FSTL5: variants seen among roughly 807,000 people sequenced by gnomAD.
FSTL5 encodes the protein follistatin-related protein 5.
Under a neutral mutation model 89.1 loss-of-function variants are expected in FSTL5, and 62 were observed. That is an observed-to-expected ratio of 0.70 (90% CI 0.57 to 0.86). FSTL5 has a LOEUF of 0.86. Among genes scored for constraint, FSTL5 ranks in the 40% least tolerant of loss-of-function variants. The pLI is 0.00. For missense variants in FSTL5, 1,057 were observed against 1,001.6 expected (o/e 1.06, Z -0.75); for synonymous variants, 383 against 346.2 (o/e 1.11, Z -1.18).
At chr4:161,958,053 G>C (rs1404858825) in intron 3 of FSTL5, among the ~76,000 whole-genome samples, 2 of 151,726 alleles carry the variant, frequency 1.3e-5, no homozygotes, top group Non-Finnish European at 2.9e-5. Flanking sequence ...CTTTATTTTA[G>C]ATAGTTTCTA....
rs73862377 is a variant in FSTL5, at chr4:161,707,605, C to T, written c.728-51111G>A. Among the ~76,000 whole-genome samples, 575 of 151,894 alleles carry T rather than the reference C, an allele frequency of 3.8e-3. 7 individuals are homozygous for T. The highest frequency in any genetic ancestry group is 0.013 in the African/African-American group (542 of 41,494). Reference sequence around the variant, plus strand: ...ACATGTCTATTCTAACATTTTTCTTCCAATTTTTTCACGAAATCTTGCTAT... The same window carrying T: ...ACATGTCTATTCTAACATTTTTCTTTCAATTTTTTCACGAAATCTTGCTAT... On this transcript the variant is annotated intron_variant, in intron 6 of 15. Transcript: ENST00000306100.
chr4:161,929,782 A>G (rs955067540), intron 3 of FSTL5, among the ~76,000 whole-genome samples: 1 of 151,362 alleles, frequency 6.6e-6, no homozygotes, highest in Non-Finnish European at 1.5e-5. Context: ...CAAAAGTGTC[A>G]CCATTCTGAT....
At chr4:161,819,249 T>G (rs1730420902) in intron 4 of FSTL5, among the ~76,000 whole-genome samples, 1 of 152,150 alleles carries the variant, frequency 6.6e-6, no homozygotes, top group African/African-American at 2.4e-5. Context: ...GAACTTAAAG[T>G]CTTTAATTTT....
intron 7 of FSTL5, among the ~76,000 whole-genome samples, chr4:161,639,079 A>T (rs954632817): frequency 7.9e-5 from 12 of 152,150 alleles, no homozygotes; most frequent in African/African-American, 2.9e-4. Flanking sequence ...TTCCCTTTGA[A>T]AACTGGCACA....
chr4:161,589,672 T>G (rs1174847088), intron 7 of FSTL5, among the ~76,000 whole-genome samples: 2 of 152,026 alleles, frequency 1.3e-5, no homozygotes, highest in Non-Finnish European at 2.9e-5. Context: ...CATTACAACT[T>G]TCTGCAACAG....
rs1008815404 is a variant in FSTL5, at chr4:161,724,085, T to C, written c.727+35326A>G. On this transcript the variant is annotated intron_variant, in intron 6 of 15. Coordinates refer to ENST00000306100, the MANE Select transcript of FSTL5 (RefSeq NM_020116.5). ...GATCACAGAAAAAGCTAAATCGTAT[T>C]AGTAGATTAAAAACTGTATGCAAGG... 7.9e-5 allele frequency among the ~76,000 whole-genome samples: 12 copies of C among 152,080 alleles called. 1 individual carries two copies. The highest frequency in any genetic ancestry group is 7.9e-4 in the Admixed American group (12 of 15,264).
chr4:161,783,732 T>TTTCTTTCTTTC lies in FSTL5; in HGVS notation c.410-7659_410-7658insGAAAGAAAGAA, dbSNP rs768997156. ...CTTTCTTTCTTTCTTTCTTCTTTTC[T>TTTCTTTCTTTC]TTTCTTTCTTTCTTTCTTTCTTTCT... On this transcript the variant is annotated intron_variant, in intron 4 of 15. Transcript: ENST00000306100. Among the ~76,000 whole-genome samples, 76 of 14,534 alleles carry TTTCTTTCTTTC rather than the reference T, an allele frequency of 5.2e-3. 26 individuals are homozygous for TTTCTTTCTTTC. Among genetic ancestry groups the TTTCTTTCTTTC allele is most frequent in the Admixed American group, 7.7e-3 (6 of 782 alleles). 9.5% of individuals were successfully genotyped at this position (14,534 alleles called of 152,430 possible). A position where few individuals can be genotyped will look rare whatever the true frequency, so the allele number is the denominator to read the frequency against.
intron 2 of FSTL5, among the ~76,000 whole-genome samples, chr4:162,083,622 T>G (rs925968946): frequency 6.6e-6 from 1 of 151,802 alleles, no homozygotes; most frequent in African/African-American, 2.4e-5. Flanking sequence ...AATTTTTCAA[T>G]AGGAAAATCC....
At chr4:161,653,042 T>G (rs1250581137) in intron 7 of FSTL5, among the ~76,000 whole-genome samples, 1 of 152,174 alleles carries the variant, frequency 6.6e-6, no homozygotes, top group African/African-American at 2.4e-5. Flanking sequence ...CAAATGGAAT[T>G]ATAGACATTT....
chr4:161,641,508 T>C (rs1735956901), intron 7 of FSTL5, among the ~76,000 whole-genome samples: 1 of 147,158 alleles, frequency 6.8e-6, no homozygotes. Flanking sequence ...TGTTTTGTTT[T>C]GTTTTTTTTT....
intron 6 of FSTL5, among the ~76,000 whole-genome samples, chr4:161,752,078 T>G (rs1449466693): frequency 6.6e-6 from 1 of 152,158 alleles, no homozygotes; most frequent in Non-Finnish European, 1.5e-5. Flanking sequence ...TGAATTCAGT[T>G]GCTCTGGTAA....
chr4:162,005,188 T>C (rs1736582290), intron 3 of FSTL5, among the ~76,000 whole-genome samples: 1 of 152,128 alleles, frequency 6.6e-6, no homozygotes, highest in Non-Finnish European at 1.5e-5. Context: ...AAAAAATTAT[T>C]CCCAACTTCC....
chr4:161,913,869 A>G (rs1051625624), intron 4 of FSTL5, among the ~76,000 whole-genome samples: 1 of 152,138 alleles, frequency 6.6e-6, no homozygotes, highest in Non-Finnish European at 1.5e-5. Context: ...TCTAGGAAGT[A>G]ATTAGCTTGC....
At chr4:161,783,975 G>A (rs1041604842) in intron 4 of FSTL5, among the ~76,000 whole-genome samples, 18 of 149,634 alleles carry the variant, frequency 1.2e-4, no homozygotes, top group East Asian at 4.0e-4. Context: ...TCACTCTGTC[G>A]CCCAGGTTAC....
chr4:162,154,476 T>C (rs1377200191), intron 1 of FSTL5, among the ~76,000 whole-genome samples: 1 of 152,164 alleles, frequency 6.6e-6, no homozygotes, highest in African/African-American at 2.4e-5. Context: ...CATGTTCACT[T>C]TCTACATAAT....
chr4:161,705,950 GTGTATATA>G (rs1438609241), intron 6 of FSTL5, among the ~76,000 whole-genome samples: 571 of 18,606 alleles, frequency 0.031, 54 homozygotes, highest in African/African-American at 0.066. Flanking sequence ...GTGTAGATGT[GTGTATATA>G]TATATATATA....
chr4:161,781,906 T>G, intron 4 of FSTL5, among the ~76,000 whole-genome samples: 1 of 152,168 alleles, frequency 6.6e-6, no homozygotes, highest in Non-Finnish European at 1.5e-5. Context: ...ATTCATCACT[T>G]TCTCCTGTAA....
chr4:161,893,368 G>A (rs911263315), intron 4 of FSTL5, among the ~76,000 whole-genome samples: 1 of 152,092 alleles, frequency 6.6e-6, no homozygotes, highest in African/African-American at 2.4e-5. Flanking sequence ...TTTAACACTA[G>A]AAAGATTGTT....
At chr4:161,754,045 T>TTAA (rs372126953) in intron 6 of FSTL5, among the ~76,000 whole-genome samples, 2 of 85,062 alleles carry the variant, frequency 2.4e-5, no homozygotes, top group Non-Finnish European at 4.1e-5. Flanking sequence ...CCGTCTCAAT[T>TTAA]AAAAAAAAAA....
Sources: gnomAD v4.1 joint callset for allele counts (sites outside exome capture counted in the v4.1 genomes callset) on GRCh38, gnomAD v4.1.1 for gene constraint, MANE v1.5 for transcripts, NCBI Gene and HGNC (gene_info 2026-07-23, HGNC 2026-07-21) for gene names.